SYNE2: variants seen among roughly 807,000 people sequenced by gnomAD.
The protein encoded by SYNE2 is nesprin-2.
SYNE2 carries 431 observed loss-of-function variants against 856.3 expected under a neutral mutation model. The observed-to-expected ratio is 0.50, with a 90% confidence interval of 0.47 to 0.55. SYNE2 has a LOEUF of 0.55. SYNE2 is among the 20% of genes least tolerant of loss of function. The probability of loss-of-function intolerance (pLI) is 0.00; values close to 1 mark genes in which losing one functional copy is unlikely to be tolerated. For missense variants in SYNE2, 8,129 were observed against 8,023.2 expected (o/e 1.01, Z -0.50); for synonymous variants, 2,923 against 2,872.3 (o/e 1.02, Z -0.56).
intron 91 of SYNE2, 27 bp from the exon 92 acceptor site, chr14:64,167,468 G>A (rs367922995): frequency 1.2e-6 from 2 of 1,614,150 alleles, no homozygotes; most frequent in South Asian, 1.1e-5. Context: ...TGTTAACATG[G>A]GTGTGTTTTG....
At position 63,941,692 on chromosome 14, in the gene SYNE2, C is replaced by T; in HGVS notation, c.142-3C>T. On this transcript the variant is annotated splice_region_variant and splice_polypyrimidine_tract_variant and intron_variant, in intron 3 of 115. Coordinates refer to ENST00000555002, the MANE Select transcript of SYNE2 (RefSeq NM_182914.3). ...TGATTATTTTTCTTGTGACCTTCTG[C>T]AGCACACTTCTCCCTCAGTTATATC... 6.2e-7 allele frequency: 1 copy of T among 1,612,916 alleles called. No homozygotes were observed. Among genetic ancestry groups the T allele is most frequent in the Non-Finnish European group, 8.5e-7 (1 of 1,178,976 alleles).
At chr14:64,130,894 A>AG (rs201369969) in intron 76 of SYNE2, among the ~76,000 whole-genome samples, 4,358 of 152,052 alleles carry the variant, frequency 0.029, 199 homozygotes, top group African/African-American at 0.09. Context: ...AAAAAAAAAA[A>AG]AAAAAGAAGA....
chr14:64,056,335 T>C, intron 49 of SYNE2, 69 bp downstream of exon 49: 1 of 1,361,248 alleles, frequency 7.3e-7, no homozygotes, highest in Non-Finnish European at 1.0e-6. Flanking sequence ...TAAACTATAT[T>C]TTAATAGTTT....
At chr14:63,974,912 A>G (rs1176335546) in intron 11 of SYNE2, among the ~76,000 whole-genome samples, 4,413 of 54,608 alleles carry the variant, frequency 0.081, 355 homozygotes, top group African/African-American at 0.12. Flanking sequence ...ATATATATAT[A>G]TATATGTATC....
At chr14:64,188,494 A>G in intron 97 of SYNE2, 56 bp from the exon 98 acceptor site, 1 of 1,603,738 alleles carries the variant, frequency 6.2e-7, no homozygotes. Context: ...GAGGGAGAGA[A>G]GGGGGTGCTT....
At chr14:64,145,884 A>G (rs1476178879) in intron 83 of SYNE2, among the ~76,000 whole-genome samples, 184 bp from the exon 84 acceptor site, 1 of 152,174 alleles carries the variant, frequency 6.6e-6, no homozygotes, top group Non-Finnish European at 1.5e-5. Flanking sequence ...TTTTTTTCCT[A>G]AGAGGAGCTT....
rs139400992 is a variant in SYNE2 at position 64,102,825 on chromosome 14, C to A, written c.12492+783C>A. ...GGCCCTCTCTCAGCCCCCAACAGCC[C>A]TGGTAACCACCATCCTATTCTCTGC... On this transcript the variant is annotated intron_variant, in intron 64 of 115. Transcript: ENST00000555002. 5.5e-3 allele frequency among the ~76,000 whole-genome samples: 840 copies of A among 152,220 alleles called. 8 individuals carry two copies. The highest frequency in any genetic ancestry group is 0.019 in the African/African-American group (801 of 41,536).
intron 8 of SYNE2, 26 bp from the exon 9 acceptor site, chr14:63,961,499 A>G (rs1186213364): frequency 6.4e-7 from 1 of 1,560,184 alleles, no homozygotes; most frequent in East Asian, 2.2e-5. Context: ...TGTAACAGCT[A>G]ATTGATAGTG....
chr14:63,848,341 C>T (rs1221135800), upstream of SYNE2: 1 of 152,200 alleles, frequency 6.6e-6, no homozygotes, highest in Non-Finnish European at 1.5e-5. Flanking sequence ...TAGTTGTAAA[C>T]ACCACTGCAC....
intron 1 of SYNE2, among the ~76,000 whole-genome samples, chr14:63,825,076 G>A (rs995190187): frequency 1.3e-5 from 2 of 151,936 alleles, no homozygotes; most frequent in African/African-American, 4.8e-5. Flanking sequence ...CTCCAGCCTG[G>A]GTGACAGAGG....
intron 63 of SYNE2, 167 bp downstream of exon 63, chr14:64,098,988 T>C (rs531424457): frequency 4.3e-6 from 3 of 694,398 alleles, no homozygotes. Flanking sequence ...TTTAAGTGTA[T>C]GGAAACCTAC....
intron 1 of SYNE2, among the ~76,000 whole-genome samples, chr14:63,797,773 A>G (rs578168829): frequency 6.6e-6 from 1 of 152,218 alleles, no homozygotes; most frequent in Non-Finnish European, 1.5e-5. Context: ...TCAGGATTGT[A>G]TGTGTGAAAC....
chr14:63,999,860 T>A (rs934068745), intron 27 of SYNE2, among the ~76,000 whole-genome samples: 1 of 152,188 alleles, frequency 6.6e-6, no homozygotes, highest in Non-Finnish European at 1.5e-5. Context: ...CCATTTTTCA[T>A]CTGAATAAGC....
At chr14:64,088,160 G>A (rs1270498161) in intron 58 of SYNE2, among the ~76,000 whole-genome samples, 1 of 152,206 alleles carries the variant, frequency 6.6e-6, no homozygotes, top group Non-Finnish European at 1.5e-5. Flanking sequence ...TCCAGCCTGG[G>A]TGACAGAGCA....
intron 95 of SYNE2, among the ~76,000 whole-genome samples, chr14:64,176,699 G>A (rs549726157): frequency 2.9e-4 from 44 of 152,058 alleles, no homozygotes; most frequent in Middle Eastern, 3.2e-3. Context: ...AGCCTTTTAG[G>A]TGTGAACTTT....
chr14:64,065,543 A>ATT lies in SYNE2; in HGVS notation c.10325_10326dup (p.Val3443LeufsTer10). The stretch of plus-strand genomic sequence containing the variant: ...AAATGATGGCATATGTTTGCTCAAG[A>ATT]TTGTGTCGGCTCTGTGGGAGAAATG... On this transcript the variant is annotated frameshift_variant, in exon 51 of 116. Transcript: ENST00000555002. LOFTEE classifies it high-confidence loss of function. 3 of 1,614,160 alleles carry ATT rather than the reference A, an allele frequency of 1.9e-6. No homozygotes were observed. Among genetic ancestry groups the ATT allele is most frequent in the Non-Finnish European group, 2.5e-6 (3 of 1,180,044 alleles).
At chr14:63,948,166 TACAC>T (rs59063086) in intron 6 of SYNE2, among the ~76,000 whole-genome samples, 1,746 of 147,330 alleles carry the variant, frequency 0.012, 14 homozygotes, top group South Asian at 0.019. Context: ...GACACACACA[TACAC>T]ACACACACAC....
At chr14:64,084,803 A>G (rs1391759185) in intron 57 of SYNE2, 3 of 589,306 alleles carry the variant, frequency 5.1e-6, no homozygotes, top group Non-Finnish European at 9.1e-6. Context: ...GGCTTAGCTA[A>G]GTATCTCTGG....
chr14:64,151,068 A>G (rs1448565319), intron 84 of SYNE2, among the ~76,000 whole-genome samples: 1 of 152,216 alleles, frequency 6.6e-6, no homozygotes, highest in Non-Finnish European at 1.5e-5. Flanking sequence ...AGGGTCATAC[A>G]GTGGAAGATT....
Sources: gnomAD v4.1 joint callset for allele counts (sites outside exome capture counted in the v4.1 genomes callset) on GRCh38, gnomAD v4.1.1 for gene constraint, MANE v1.5 for transcripts, NCBI Gene and HGNC (gene_info 2026-07-23, HGNC 2026-07-21) for gene names.